The following LINGO2 variants were observed in gnomAD, a reference collection of about 807,000 sequenced individuals.
The protein encoded by LINGO2 is leucine-rich repeat and immunoglobulin-like domain-containing nogo receptor-interacting protein 2.
In LINGO2, 14 loss-of-function variants were observed where a neutral mutation model predicts 30.6. The observed-to-expected ratio is 0.46, with a 90% CI of 0.30 to 0.72. The LOEUF is 0.72. Ranked by LOEUF, LINGO2 falls within the 30% of genes least tolerant of loss-of-function variation. LINGO2 has a pLI of 0.07. For missense variants in LINGO2, 729 were observed against 751.7 expected, an observed-to-expected ratio of 0.97 and a Z score of 0.35; for synonymous variants, 317 against 288.5, an observed-to-expected ratio of 1.10 and a Z score of -1.00.
chr9:28,899,605 C>T, the LINGO2 span, among the ~76,000 whole-genome samples: 4 of 152,238 alleles, frequency 2.6e-5, no homozygotes, highest in Non-Finnish European at 5.9e-5. Context: ...ATGCCATGCC[C>T]TGAAGATACA....
intron 1 of LINGO2, among the ~76,000 whole-genome samples, chr9:28,496,879 G>T (rs1000532143): frequency 1.3e-5 from 2 of 152,078 alleles, no homozygotes; most frequent in African/African-American, 2.4e-5. Context: ...CTCAACATTT[G>T]CTTGTCTGTA....
intron 5 of LINGO2, among the ~76,000 whole-genome samples, chr9:28,007,121 G>A (rs1822306357): frequency 6.6e-6 from 1 of 152,084 alleles, no homozygotes; most frequent in Non-Finnish European, 1.5e-5. Context: ...CACTTACGTA[G>A]CATAGAATAG....
chr9:28,714,164 A>AATCTATATATATAT, the LINGO2 span, among the ~76,000 whole-genome samples: 3 of 117,158 alleles, frequency 2.6e-5, no homozygotes, highest in African/African-American at 1.0e-4. Context: ...TGCCTCAAAT[A>AATCTATATATATAT]ATATATATAT....
intron 4 of LINGO2, among the ~76,000 whole-genome samples, chr9:28,233,157 G>T (rs73645622): frequency 0.054 from 8,124 of 149,126 alleles, 289 homozygotes; most frequent in South Asian, 0.15. Context: ...GTGTGTGTGC[G>T]TATCTGTGTG....
intron 4 of LINGO2, among the ~76,000 whole-genome samples, chr9:28,020,340 C>G (rs1361539104): frequency 6.6e-6 from 1 of 152,086 alleles, no homozygotes; most frequent in African/African-American, 2.4e-5. Context: ...ACCAGCCTAA[C>G]CAATACGGTG....
chr9:28,750,030 C>A, the LINGO2 span, among the ~76,000 whole-genome samples: 2 of 152,034 alleles, frequency 1.3e-5, no homozygotes, highest in Non-Finnish European at 2.9e-5. Context: ...TCTTCTAATG[C>A]CCTGTTGGAG....
chr9:28,792,987 C>T, the LINGO2 span, among the ~76,000 whole-genome samples: 1 of 152,118 alleles, frequency 6.6e-6, no homozygotes, highest in South Asian at 2.1e-4. Context: ...GAAAAATAGT[C>T]AGTGCATGGC....
chr9:28,322,852 T>G (rs78676350), intron 3 of LINGO2, among the ~76,000 whole-genome samples: 9,127 of 152,262 alleles, frequency 0.06, 384 homozygotes, highest in South Asian at 0.13. Flanking sequence ...GTGAAAGTAA[T>G]AAGATTGCCT....
chr9:28,570,515 A>G (rs966546247), intron 1 of LINGO2, among the ~76,000 whole-genome samples: 1 of 151,712 alleles, frequency 6.6e-6, no homozygotes, highest in African/African-American at 2.4e-5. Context: ...TGGTATTTTA[A>G]ATTTTCTTTC....
chr9:28,609,614 T>C (rs1361688624), intron 1 of LINGO2, among the ~76,000 whole-genome samples: 1 of 152,092 alleles, frequency 6.6e-6, no homozygotes, highest in Non-Finnish European at 1.5e-5. Flanking sequence ...AGAGATCAGA[T>C]AATGTCTTAC....
At chr9:28,170,141 G>A (rs902874702) in intron 4 of LINGO2, among the ~76,000 whole-genome samples, 4 of 152,152 alleles carry the variant, frequency 2.6e-5, no homozygotes, top group South Asian at 2.1e-4. Flanking sequence ...TATTGAATAT[G>A]TATATTTGAA....
At chr9:28,321,509 T>C (rs990194870) in intron 3 of LINGO2, among the ~76,000 whole-genome samples, 1 of 152,190 alleles carries the variant, frequency 6.6e-6, no homozygotes, top group Non-Finnish European at 1.5e-5. Context: ...TGATGTGCTG[T>C]ATTAGTTAAG....
chr9:29,140,204 G>A, the LINGO2 span, among the ~76,000 whole-genome samples: 1 of 151,896 alleles, frequency 6.6e-6, no homozygotes, highest in Non-Finnish European at 1.5e-5. Flanking sequence ...TAACTAATGG[G>A]ACAAAATAAA....
intron 4 of LINGO2, among the ~76,000 whole-genome samples, chr9:28,186,661 A>C (rs1254022051): frequency 6.6e-6 from 1 of 152,138 alleles, no homozygotes; most frequent in Admixed American, 6.6e-5. Context: ...AGAATCAAAA[A>C]ATGTGAAGAC....
chr9:28,948,992 T>C, the LINGO2 span, among the ~76,000 whole-genome samples: 1 of 151,980 alleles, frequency 6.6e-6, no homozygotes, highest in African/African-American at 2.4e-5. Context: ...CTCTTATCGG[T>C]TCACTTCAGG....
intron 5 of LINGO2, among the ~76,000 whole-genome samples, chr9:27,981,551 G>GAGA (rs1820865696): frequency 1.1e-5 from 1 of 87,144 alleles, no homozygotes; most frequent in South Asian, 4.5e-4. Flanking sequence ...AAAAAAAAAA[G>GAGA]AAAAAAAAGA....
the LINGO2 span, among the ~76,000 whole-genome samples, chr9:28,978,379 G>A: frequency 6.6e-6 from 1 of 151,976 alleles, no homozygotes; most frequent in African/African-American, 2.4e-5. Flanking sequence ...CAATTTCCTG[G>A]GTATTTCTGT....
intron 5 of LINGO2, among the ~76,000 whole-genome samples, chr9:27,989,726 A>G (rs1821303292): frequency 2.0e-5 from 3 of 152,010 alleles, no homozygotes. Flanking sequence ...TAACGCATTG[A>G]CCCATTTAGT....
the LINGO2 span, among the ~76,000 whole-genome samples, chr9:29,186,284 T>G: frequency 1.3e-5 from 2 of 151,874 alleles, no homozygotes; most frequent in African/African-American, 4.8e-5. Context: ...TTTCTTCAAT[T>G]TTACAGCTTG....
Sources: allele counts gnomAD v4.1 joint callset (sites outside exome capture counted in the v4.1 genomes callset), GRCh38; gene constraint gnomAD v4.1.1; transcripts MANE v1.5; gene names NCBI Gene and HGNC (gene_info 2026-07-23, HGNC 2026-07-21).